The following ACVR1B variants were observed in gnomAD, a reference collection of about 807,000 sequenced individuals.
The protein encoded by ACVR1B is activin receptor type-1B.
ACVR1B carries 15 observed loss-of-function variants against 55.6 expected under a neutral mutation model. The ratio of observed to expected loss-of-function variants is 0.27; its 90% CI spans 0.18 to 0.42. The LOEUF (loss-of-function observed/expected upper bound fraction) is 0.42, where lower values mean the gene tolerates loss of function less well. Among genes scored for constraint, ACVR1B ranks in the 10% least tolerant of loss-of-function variants. The pLI is 1.00. For synonymous variants in ACVR1B, 247 were observed against 254.6 expected (o/e 0.97, Z 0.28); for missense variants, 359 against 670.1 (o/e 0.54, Z 5.13).
At chr12:51,974,757 CT>C (rs1321161659) in intron 1 of ACVR1B, among the ~76,000 whole-genome samples, 3 of 152,094 alleles carry the variant, frequency 2.0e-5, no homozygotes, top group African/African-American at 7.2e-5. Context: ...TCAGGGAAAG[CT>C]TTTCAAAAGA....
chr12:51,979,256 A>C (rs1941932466), intron 3 of ACVR1B, among the ~76,000 whole-genome samples: 1 of 151,522 alleles, frequency 6.6e-6, no homozygotes, highest in East Asian at 1.9e-4. Flanking sequence ...ACCTCAGGTC[A>C]GGAGTTCGAG....
intron 1 of ACVR1B, among the ~76,000 whole-genome samples, chr12:51,961,251 G>A (rs879513337): frequency 6.6e-6 from 1 of 152,072 alleles, no homozygotes; most frequent in Non-Finnish European, 1.5e-5. Context: ...ATATGGCTTC[G>A]GCCTGCACAG....
At chr12:51,953,587 T>A in intron 1 of ACVR1B, 1 of 890,664 alleles carries the variant, frequency 1.1e-6, no homozygotes. Context: ...TGTTCTCTAC[T>A]GGGTAGTAAA....
chr12:51,955,565 G>A (rs998702460), intron 1 of ACVR1B, among the ~76,000 whole-genome samples: 1 of 152,168 alleles, frequency 6.6e-6, no homozygotes, highest in Non-Finnish European at 1.5e-5. Context: ...ATTTTTGAAG[G>A]TTAAATTAGA....
chr12:51,966,844 CA>C (rs1275310465), intron 1 of ACVR1B, among the ~76,000 whole-genome samples: 14 of 152,144 alleles, frequency 9.2e-5, no homozygotes, highest in African/African-American at 3.1e-4. Flanking sequence ...CTATTATTGT[CA>C]GTTATTTTAG....
intron 1 of ACVR1B, among the ~76,000 whole-genome samples, chr12:51,960,633 A>T (rs1941501241): frequency 6.6e-6 from 1 of 152,250 alleles, no homozygotes; most frequent in Admixed American, 6.5e-5. Flanking sequence ...CATTTTACAG[A>T]TGAGAAAACT....
At chr12:51,978,621 G>A (rs1941914443) in intron 3 of ACVR1B, among the ~76,000 whole-genome samples, 1 of 152,042 alleles carries the variant, frequency 6.6e-6, no homozygotes, top group East Asian at 1.9e-4. Context: ...TGAGGTCAGA[G>A]GAGATCCAGA....
intron 6 of ACVR1B, among the ~76,000 whole-genome samples, 195 bp from the exon 7 acceptor site, chr12:51,986,623 T>C (rs1332573848): frequency 6.6e-6 from 1 of 152,240 alleles, no homozygotes; most frequent in Non-Finnish European, 1.5e-5. Context: ...TATTGCCAAA[T>C]CTGTGCTGAA....
In ACVR1B at chr12:51,951,763, C is replaced by G; in HGVS notation, c.20C>G (p.Ala7Gly). Reference protein sequence around the residue: MAESAGASSFFPLVVLL... With the variant: MAESAGGSSFFPLVVLL... ...GTTACTATGGCGGAGTCGGCCGGAG[C>G]CTCCTCCTTCTTCCCCCTTGTTGTC... Residue 7 changes from alanine (A) to glycine (G), a missense_variant, in exon 1 of 9, where the codon GCC becomes GGC. Physicochemically the swap from Ala to Gly is moderately conservative, Grantham distance 60. Around this residue, in one of 5 missense-constraint regions of ACVR1B, gnomAD observed 48 missense variants for 40.6 expected, o/e 1.18. Transcript: ENST00000257963. 7.8e-7 allele frequency: 1 copy of G among 1,287,376 alleles called. No individual in the cohort carries two copies. The highest frequency in any genetic ancestry group is 9.9e-7 in the Non-Finnish European group (1 of 1,009,144). 79.7% of individuals were successfully genotyped at this position (1,287,376 alleles called of 1,614,324 possible).
At chr12:51,969,895 CTA>C (rs1278478502) in intron 1 of ACVR1B, among the ~76,000 whole-genome samples, 2 of 152,038 alleles carry the variant, frequency 1.3e-5, no homozygotes, top group Non-Finnish European at 2.9e-5. Flanking sequence ...GACCCTGTCT[CTA>C]AGAAAATTTT....
chr12:51,982,573 G>C, intron 4 of ACVR1B: 1 of 1,196,056 alleles, frequency 8.4e-7, no homozygotes, highest in East Asian at 3.0e-5. Context: ...ATTGTGGAAG[G>C]GTCTCTCTAG....
At chr12:51,993,764 C>CCAAAAA (rs1942240174) in intron 8 of ACVR1B, among the ~76,000 whole-genome samples, 1 of 60,076 alleles carries the variant, frequency 1.7e-5, no homozygotes, top group East Asian at 5.8e-4. Context: ...GAGACTCCTT[C>CCAAAAA]TAAAAAAAAA....
At chr12:51,966,063 TAA>T (rs959356460) in intron 1 of ACVR1B, among the ~76,000 whole-genome samples, 1 of 141,580 alleles carries the variant, frequency 7.1e-6, no homozygotes. Context: ...AAAATACTAC[TAA>T]AAAAAAAAGA....
intron 3 of ACVR1B, among the ~76,000 whole-genome samples, chr12:51,977,733 T>G (rs959214979): frequency 6.6e-6 from 1 of 150,782 alleles, no homozygotes; most frequent in Non-Finnish European, 1.5e-5. Context: ...ATCCTCCACC[T>G]TAGTCTCCTG....
chr12:51,977,235 G>GTA (rs1422190432), intron 3 of ACVR1B, among the ~76,000 whole-genome samples: 4 of 152,150 alleles, frequency 2.6e-5, no homozygotes, highest in African/African-American at 9.7e-5. Context: ...AGGTCTCAGG[G>GTA]TATAGCTCAG....
At chr12:51,976,306 C>G (rs1941853172) in intron 2 of ACVR1B, 21 bp from the exon 3 acceptor site, 2 of 1,613,318 alleles carry the variant, frequency 1.2e-6, no homozygotes, top group Admixed American at 1.7e-5. Context: ...TTCTTTCCCT[C>G]TCCTCTCTCA....
At chr12:51,992,155 C>G in intron 8 of ACVR1B, 162 bp downstream of exon 8, 1 of 908,850 alleles carries the variant, frequency 1.1e-6, no homozygotes, top group Non-Finnish European at 1.7e-6. Flanking sequence ...TTTAGGGCTA[C>G]AGTCTCTTGT....
At position 51,993,980 on chromosome 12, in the gene ACVR1B, C is replaced by T. The variant is rs1011956167; in HGVS notation, c.1393-5C>T. On this transcript the variant is annotated splice_polypyrimidine_tract_variant and splice_region_variant and intron_variant, in intron 8 of 8. Transcript: ENST00000257963. ...CGAGCTGATGGCTCCTGGGTCTCTG[C>T]ACAGGCACTGCGGGTGATGGGGAAG... The T allele has an allele frequency of 5.0e-6, 8 of 1,613,784 alleles. No individual in the cohort carries two copies. In the South Asian group the frequency reaches 7.7e-5, roughly 16 times the overall value.
intron 1 of ACVR1B, among the ~76,000 whole-genome samples, chr12:51,955,611 A>G (rs752991940): frequency 2.0e-5 from 3 of 152,196 alleles, no homozygotes; most frequent in Non-Finnish European, 2.9e-5. Flanking sequence ...TGAAATCTCT[A>G]TTGTTTACTG....
Sources: gnomAD v4.1 joint callset for allele counts (sites outside exome capture counted in the v4.1 genomes callset) on GRCh38, gnomAD v4.1.1 for gene constraint, gnomAD v4.1.1 regional missense constraint, MANE v1.5 for transcripts, NCBI Gene and HGNC (gene_info 2026-07-23, HGNC 2026-07-21) for gene names.